The following CTNNA3 variants were observed in gnomAD, a reference collection of about 807,000 sequenced individuals.
CTNNA3 encodes the protein catenin alpha-3.
CTNNA3 carries 76 observed loss-of-function variants against 95.7 expected under a neutral mutation model. The observed-to-expected ratio is 0.79, with a 90% confidence interval of 0.66 to 0.96. The LOEUF (loss-of-function observed/expected upper bound fraction) is 0.96, where lower values mean the gene tolerates loss of function less well. CTNNA3 is among the 40% of genes least tolerant of loss of function. The pLI is 0.00. For missense variants in CTNNA3, 1,191 were observed against 1,089.8 expected, an observed-to-expected ratio of 1.09 and a Z score of -1.31; for synonymous variants, 431 against 374.4, an observed-to-expected ratio of 1.15 and a Z score of -1.74.
chr10:67,475,641 AC>A (rs1847980519), intron 5 of CTNNA3, among the ~76,000 whole-genome samples: 3 of 152,326 alleles, frequency 2.0e-5, no homozygotes, highest in South Asian at 2.1e-4. Context: ...ACAACAAAAA[AC>A]GTTAACTTCC....
At chr10:66,241,672 T>C (rs1461730256) in intron 13 of CTNNA3, among the ~76,000 whole-genome samples, 3 of 114,388 alleles carry the variant, frequency 2.6e-5, no homozygotes, top group Admixed American at 2.5e-4. Context: ...GCTACTTAAC[T>C]GGGCAATGAT....
At chr10:66,686,474 A>T (rs1447543784) in intron 9 of CTNNA3, among the ~76,000 whole-genome samples, 4 of 151,948 alleles carry the variant, frequency 2.6e-5, no homozygotes, top group African/African-American at 9.7e-5. Flanking sequence ...AAAAATATAT[A>T]TTTTTTCCCA....
At chr10:67,032,943 GTGAT>G (rs1023042196) in intron 7 of CTNNA3, among the ~76,000 whole-genome samples, 19 of 152,232 alleles carry the variant, frequency 1.2e-4, no homozygotes, top group African/African-American at 4.6e-4. Context: ...GGAATCTGAA[GTGAT>G]TCAGAATGGC....
chr10:66,834,078 T>C (rs1436213590), intron 7 of CTNNA3, among the ~76,000 whole-genome samples: 2 of 152,168 alleles, frequency 1.3e-5, no homozygotes, highest in African/African-American at 4.8e-5. Context: ...TTGGTATGTC[T>C]CCCTGGTTCC....
intron 5 of CTNNA3, among the ~76,000 whole-genome samples, chr10:67,473,055 T>C (rs1411276818): frequency 6.6e-6 from 1 of 152,254 alleles, no homozygotes; most frequent in Non-Finnish European, 1.5e-5. Flanking sequence ...AATACTTGAA[T>C]GCTATCTTTA....
chr10:67,279,955 A>G (rs1839331828), intron 5 of CTNNA3, among the ~76,000 whole-genome samples: 1 of 150,696 alleles, frequency 6.6e-6, no homozygotes, highest in Non-Finnish European at 1.5e-5. Flanking sequence ...ATTACTTCAT[A>G]AAAGATACCA....
At chr10:66,178,474 T>C (rs1481695194) in intron 13 of CTNNA3, among the ~76,000 whole-genome samples, 1 of 25,408 alleles carries the variant, frequency 3.9e-5, no homozygotes, top group Non-Finnish European at 7.0e-5. Flanking sequence ...GAGAGGTACA[T>C]ACACAGACAC....
intron 12 of CTNNA3, among the ~76,000 whole-genome samples, chr10:66,310,867 T>C (rs1218306211): frequency 6.6e-6 from 1 of 151,988 alleles, no homozygotes; most frequent in Admixed American, 6.6e-5. Flanking sequence ...GTATTTTTAG[T>C]AGAGACGGGG....
chr10:66,822,709 T>C (rs552088655), intron 7 of CTNNA3, among the ~76,000 whole-genome samples: 1 of 152,326 alleles, frequency 6.6e-6, no homozygotes, highest in South Asian at 2.1e-4. Context: ...TTACTGCTTT[T>C]ACTTCTTATG....
chr10:67,638,890 C>T (rs1259705889), intron 2 of CTNNA3, among the ~76,000 whole-genome samples: 1 of 152,062 alleles, frequency 6.6e-6, no homozygotes, highest in Non-Finnish European at 1.5e-5. Context: ...GCACTAAATG[C>T]CCACAAGAGA....
chr10:66,463,455 T>C (rs2093543097), intron 11 of CTNNA3, among the ~76,000 whole-genome samples: 1 of 152,126 alleles, frequency 6.6e-6, no homozygotes. Flanking sequence ...ATTAAACCTC[T>C]TTCTTTATCA....
At chr10:66,168,666 A>C (rs965508495) in intron 13 of CTNNA3, among the ~76,000 whole-genome samples, 6 of 152,170 alleles carry the variant, frequency 3.9e-5, no homozygotes, top group Non-Finnish European at 8.8e-5. Context: ...CAGCTATCCA[A>C]TTACTGGTGC....
chr10:66,295,523 G>C (rs954134787), intron 12 of CTNNA3, among the ~76,000 whole-genome samples: 1 of 152,154 alleles, frequency 6.6e-6, no homozygotes, highest in Admixed American at 6.5e-5. Flanking sequence ...CATGTAGGGG[G>C]CTGGGACAGA....
At chr10:67,632,745 G>C (rs1839186404) in intron 2 of CTNNA3, among the ~76,000 whole-genome samples, 1 of 152,124 alleles carries the variant, frequency 6.6e-6, no homozygotes, top group Admixed American at 6.6e-5. Flanking sequence ...GAACTGTGTA[G>C]AATGTTGGCA....
chr10:67,354,678 G>A (rs902031751), intron 5 of CTNNA3, among the ~76,000 whole-genome samples: 5 of 151,918 alleles, frequency 3.3e-5, no homozygotes, highest in African/African-American at 9.7e-5. Context: ...TTGCATCCAA[G>A]CAAAAGTATC....
intron 1 of CTNNA3, among the ~76,000 whole-genome samples, chr10:67,660,126 A>G (rs74142883): frequency 0.086 from 13,162 of 152,224 alleles, 1,299 homozygotes; most frequent in African/African-American, 0.24. Context: ...ATCCTTGAAG[A>G]GAATTTTAAA....
At chr10:66,087,127 A>G (rs1395256765) in intron 14 of CTNNA3, among the ~76,000 whole-genome samples, 1 of 151,996 alleles carries the variant, frequency 6.6e-6, no homozygotes, top group East Asian at 1.9e-4. Flanking sequence ...CTACATAATA[A>G]AAGATTTGTG....
chr10:67,276,818 T>A (rs966884045), intron 5 of CTNNA3, among the ~76,000 whole-genome samples: 1 of 151,968 alleles, frequency 6.6e-6, no homozygotes, highest in African/African-American at 2.4e-5. Flanking sequence ...CTACTTTTGA[T>A]AATGTTACAA....
intron 14 of CTNNA3, among the ~76,000 whole-genome samples, chr10:66,083,059 C>CTTCT (rs1245598865): frequency 1.3e-5 from 2 of 151,748 alleles, no homozygotes; most frequent in Non-Finnish European, 2.9e-5. Flanking sequence ...TGCTAGAGAT[C>CTTCT]TTCTTAGTGA....
Sources: gnomAD v4.1 joint callset for allele counts (sites outside exome capture counted in the v4.1 genomes callset) on GRCh38, gnomAD v4.1.1 for gene constraint, MANE v1.5 for transcripts, NCBI Gene and HGNC (gene_info 2026-07-23, HGNC 2026-07-21) for gene names.